Variants in CADM2 observed in about 807,000 individuals in gnomAD.
CADM2 encodes the protein immunoglobulin superfamily member 4D.
In CADM2, 12 loss-of-function variants were observed where a neutral mutation model predicts 49.8. The ratio of observed to expected loss-of-function variants is 0.24; its 90% CI spans 0.15 to 0.39. The LOEUF (loss-of-function observed/expected upper bound fraction) is 0.39, where lower values mean the gene tolerates loss of function less well. Ranked by LOEUF, CADM2 falls within the 10% of genes least tolerant of loss-of-function variation. CADM2 has a pLI of 1.00. For missense variants in CADM2, 378 were observed against 492.3 expected, an observed-to-expected ratio of 0.77 and a Z score of 2.20; for synonymous variants, 214 against 175.4, an observed-to-expected ratio of 1.22 and a Z score of -1.74.
chr3:85,382,193 A>C (rs140650888), intron 1 of CADM2, among the ~76,000 whole-genome samples: 264 of 152,274 alleles, frequency 1.7e-3, no homozygotes, highest in African/African-American at 5.8e-3. Flanking sequence ...AAAAAACATA[A>C]ACAGAATAAA....
At chr3:85,607,863 G>A (rs958124396) in intron 1 of CADM2, among the ~76,000 whole-genome samples, 1 of 151,852 alleles carries the variant, frequency 6.6e-6, no homozygotes, top group African/African-American at 2.4e-5. Flanking sequence ...CACCATGTTG[G>A]CCAGGCTGGT....
chr3:85,006,705 A>G (rs570393444), intron 1 of CADM2, among the ~76,000 whole-genome samples: 5 of 152,290 alleles, frequency 3.3e-5, no homozygotes, highest in African/African-American at 1.2e-4. Context: ...TTTGAAATAT[A>G]TAATCTCATT....
chr3:85,320,160 T>C (rs1475729999), intron 1 of CADM2, among the ~76,000 whole-genome samples: 1 of 152,206 alleles, frequency 6.6e-6, no homozygotes, highest in Non-Finnish European at 1.5e-5. Flanking sequence ...ACCAGGGTGC[T>C]ACTGGCATTT....
At chr3:85,749,345 G>A (rs1413376770) in intron 2 of CADM2, among the ~76,000 whole-genome samples, 1 of 151,802 alleles carries the variant, frequency 6.6e-6, no homozygotes, top group African/African-American at 2.4e-5. Context: ...AACCCTAGAA[G>A]AAATAGTTAT....
intron 5 of CADM2, among the ~76,000 whole-genome samples, chr3:85,904,589 A>G (rs922212111): frequency 1.3e-5 from 2 of 152,170 alleles, no homozygotes; most frequent in Admixed American, 1.3e-4. Context: ...TTCATTTGCT[A>G]TAGACCCTTG....
chr3:85,130,793 C>T (rs2039202403), intron 1 of CADM2, among the ~76,000 whole-genome samples: 1 of 152,258 alleles, frequency 6.6e-6, no homozygotes, highest in Admixed American at 6.5e-5. Flanking sequence ...TGTAACTTTT[C>T]AGCCAATTCA....
At chr3:85,748,836 A>C (rs1171165824) in intron 2 of CADM2, among the ~76,000 whole-genome samples, 1 of 152,104 alleles carries the variant, frequency 6.6e-6, no homozygotes, top group African/African-American at 2.4e-5. Flanking sequence ...GTAAGTATTC[A>C]ATGTTGTCTG....
intron 1 of CADM2, among the ~76,000 whole-genome samples, chr3:85,341,686 C>T (rs775709507): frequency 2.0e-4 from 30 of 151,926 alleles, no homozygotes; most frequent in Non-Finnish European, 2.9e-4. Context: ...ATATGTATCC[C>T]GGAACTTCAA....
chr3:85,704,797 T>C (rs2066887079), intron 1 of CADM2, among the ~76,000 whole-genome samples: 1 of 151,844 alleles, frequency 6.6e-6, no homozygotes, highest in Non-Finnish European at 1.5e-5. Flanking sequence ...AAAATCAATC[T>C]CCTCCAGAAT....
intron 5 of CADM2, among the ~76,000 whole-genome samples, chr3:85,904,595 C>G (rs1432211974): frequency 6.6e-6 from 1 of 151,900 alleles, no homozygotes; most frequent in African/African-American, 2.4e-5. Flanking sequence ...TGCTATAGAC[C>G]CTTGGCACAA....
At chr3:85,886,777 T>C (rs988367829) in intron 5 of CADM2, among the ~76,000 whole-genome samples, 1 of 152,110 alleles carries the variant, frequency 6.6e-6, no homozygotes, top group Non-Finnish European at 1.5e-5. Flanking sequence ...ATAAATTTGA[T>C]TCCTGTTAAT....
intron 1 of CADM2, among the ~76,000 whole-genome samples, chr3:85,460,376 T>C (rs1451135482): frequency 6.6e-6 from 1 of 152,170 alleles, no homozygotes; most frequent in Non-Finnish European, 1.5e-5. Flanking sequence ...TCAGCTTACA[T>C]AAATTAATAA....
intron 1 of CADM2, among the ~76,000 whole-genome samples, chr3:85,695,711 G>A (rs1278192595): frequency 6.6e-6 from 1 of 151,986 alleles, no homozygotes; most frequent in Non-Finnish European, 1.5e-5. Flanking sequence ...ATTGTACTGC[G>A]ATAAGCATAC....
intron 1 of CADM2, among the ~76,000 whole-genome samples, chr3:85,678,193 G>T (rs2065939504): frequency 6.6e-6 from 1 of 152,188 alleles, no homozygotes; most frequent in African/African-American, 2.4e-5. Flanking sequence ...ACTGAGTTGT[G>T]ATTTGAAGGC....
intron 1 of CADM2, among the ~76,000 whole-genome samples, chr3:85,437,122 C>T (rs1229176187): frequency 6.6e-6 from 1 of 152,032 alleles, no homozygotes; most frequent in Non-Finnish European, 1.5e-5. Context: ...TTCATGTTGG[C>T]TTCTTTCACT....
At chr3:85,816,207 A>T (rs1343640301) in intron 3 of CADM2, among the ~76,000 whole-genome samples, 1 of 151,284 alleles carries the variant, frequency 6.6e-6, no homozygotes, top group African/African-American at 2.4e-5. Flanking sequence ...TATTTTGGAA[A>T]TGGAGCTTTT....
intron 1 of CADM2, among the ~76,000 whole-genome samples, chr3:85,339,992 T>G (rs1210391856): frequency 6.6e-6 from 1 of 151,382 alleles, no homozygotes; most frequent in Non-Finnish European, 1.5e-5. Flanking sequence ...AAAAAAGACA[T>G]GCTATTCAGT....
chr3:85,558,727 A>T (rs1042670357), intron 1 of CADM2, among the ~76,000 whole-genome samples: 4 of 152,074 alleles, frequency 2.6e-5, no homozygotes, highest in East Asian at 1.9e-4. Context: ...TTGAAAAGCT[A>T]TCCCAATATT....
At chr3:85,698,123 C>T (rs890060732) in intron 1 of CADM2, among the ~76,000 whole-genome samples, 1 of 152,166 alleles carries the variant, frequency 6.6e-6, no homozygotes, top group Non-Finnish European at 1.5e-5. Flanking sequence ...TTTTACTATA[C>T]CTCAAGATTT....
Sources: allele counts gnomAD v4.1 joint callset (sites outside exome capture counted in the v4.1 genomes callset), GRCh38; gene constraint gnomAD v4.1.1; transcripts MANE v1.5; gene names NCBI Gene and HGNC (gene_info 2026-07-23, HGNC 2026-07-21).